Variants in SESN2 observed in about 807,000 individuals in gnomAD.
SESN2 encodes the protein sestrin 2, also known as sestrin-2.
In SESN2, 42 loss-of-function variants were observed where a neutral mutation model predicts 56.0. The observed-to-expected ratio is 0.75, with a 90% confidence interval of 0.59 to 0.97. The LOEUF (loss-of-function observed/expected upper bound fraction) is 0.97, where lower values mean the gene tolerates loss of function less well. Ranked by LOEUF, SESN2 falls within the 50% of genes least tolerant of loss-of-function variation. SESN2 has a pLI of 0.00. For missense variants in SESN2, 507 were observed against 649.4 expected (o/e 0.78, Z 2.38); for synonymous variants, 264 against 267.1 (o/e 0.99, Z 0.11).
chr1:28,260,170 C>T (rs1211911224), intron 1 of SESN2, among the ~76,000 whole-genome samples: 2 of 150,588 alleles, frequency 1.3e-5, no homozygotes, highest in African/African-American at 4.9e-5. Context: ...CTCCCTCTCC[C>T]CCTCTCCCTC....
At chr1:28,270,125 G>A (rs978195710) in intron 2 of SESN2, among the ~76,000 whole-genome samples, 1 of 152,212 alleles carries the variant, frequency 6.6e-6, no homozygotes, top group East Asian at 1.9e-4. Flanking sequence ...GCCGAGGCGG[G>A]CGGATCACGA....
rs184595688 is a variant in SESN2 at position 28,280,453 on chromosome 1, G to A, written c.1357-263G>A. Among the ~76,000 whole-genome samples the A allele has an allele frequency of 4.3e-4, 65 of 152,268 alleles. No individual in the cohort carries two copies. The East Asian group carries it at 0.012, about 27-fold the overall frequency. ...GAACTCCTGACCTCCTGATCCACTC[G>A]CCTTGGCCTCCCAAAGTGTTGGGAT... On this transcript the variant is annotated intron_variant, in intron 9 of 9. Transcript: ENST00000253063.
At chr1:28,270,640 T>C (rs1647736745) in intron 2 of SESN2, among the ~76,000 whole-genome samples, 1 of 152,042 alleles carries the variant, frequency 6.6e-6, no homozygotes, top group Non-Finnish European at 1.5e-5. Context: ...GGCACGATCT[T>C]GGCTCACCGC....
At chr1:28,274,644 C>G (rs527595479) in intron 7 of SESN2, among the ~76,000 whole-genome samples, 181 bp from the exon 8 acceptor site, 2 of 152,288 alleles carry the variant, frequency 1.3e-5, no homozygotes, top group Non-Finnish European at 2.9e-5. Flanking sequence ...GGTTGCTGAT[C>G]ATAAGGAGAA....
intron 1 of SESN2, among the ~76,000 whole-genome samples, chr1:28,262,329 C>T (rs1347589927): frequency 1.3e-5 from 2 of 152,104 alleles, no homozygotes; most frequent in African/African-American, 2.4e-5. Flanking sequence ...CACTCTAGTA[C>T]TGGTAGTATT....
In SESN2 at chr1:28,269,258, GA is replaced by G; in HGVS notation, c.156+12del. On this transcript the variant is annotated intron_variant, in intron 2 of 9. Coordinates refer to ENST00000253063, the MANE Select transcript of SESN2 (RefSeq NM_031459.5). ...CATCCCCGTGGAGGAGGTAAGCTTG[GA>G]AGGGGTTAGGGATCTTTGGTCCCTG... 1 of 1,606,934 alleles carries G rather than the reference GA, an allele frequency of 6.2e-7. No individual in the cohort carries two copies. Among genetic ancestry groups the G allele is most frequent in the Non-Finnish European group, 8.5e-7 (1 of 1,175,000 alleles).
At chr1:28,267,641 C>G (rs749320207) in intron 1 of SESN2, among the ~76,000 whole-genome samples, 1 of 152,170 alleles carries the variant, frequency 6.6e-6, no homozygotes, top group African/African-American at 2.4e-5. Context: ...TGAGAGCCAC[C>G]TCCACTCTCA....
In SESN2 at chr1:28,268,995, G is replaced by A. The variant is rs149567964; in HGVS notation, c.91-188G>A. On this transcript the variant is annotated intron_variant, in intron 1 of 9. Coordinates refer to ENST00000253063, the MANE Select transcript of SESN2 (RefSeq NM_031459.5). ...TCCTGAAGAACTCAGCCTGGAGTGA[G>A]CCCTCTTTCTTGATTACCCTTCCAA... Among the ~76,000 whole-genome samples the A allele has an allele frequency of 4.7e-3, 711 of 152,346 alleles. 8 individuals carry two copies. The highest frequency in any genetic ancestry group is 0.015 in the African/African-American group (613 of 41,582).
Position 28,272,467 on chromosome 1 carries a change from G to T in SESN2, c.537+1G>T. On this transcript the variant is annotated splice_donor_variant, in intron 4 of 9. Transcript: ENST00000253063. LOFTEE classifies it high-confidence loss of function. ...GCTCATCACCAAGGAACACATCCAG[G>T]TGCAGGGGGCAGAGAGGCGGGTGTC... is the stretch of plus-strand genomic sequence containing the variant. The T allele has an allele frequency of 6.2e-7, 1 of 1,612,704 alleles. No homozygotes were observed. The highest frequency in any genetic ancestry group is 8.5e-7 in the Non-Finnish European group (1 of 1,179,566).
chr1:28,271,947 C>T, intron 3 of SESN2, 76 bp downstream of exon 3: 1 of 1,360,546 alleles, frequency 7.3e-7, no homozygotes, highest in Non-Finnish European at 1.0e-6. Flanking sequence ...TTTCTGGGAG[C>T]TTTGTGAGCT....
intron 1 of SESN2, among the ~76,000 whole-genome samples, chr1:28,267,333 GT>G (rs1647593109): frequency 6.6e-6 from 1 of 152,164 alleles, no homozygotes; most frequent in Non-Finnish European, 1.5e-5. Flanking sequence ...TTACCTACCA[GT>G]TTAGTAGGTA....
intron 5 of SESN2, 48 bp downstream of exon 5, chr1:28,272,841 T>C (rs776872261): frequency 1.2e-4 from 127 of 1,090,248 alleles, no homozygotes; most frequent in Non-Finnish European, 1.5e-4. Flanking sequence ...GGGCATGACC[T>C]CTGGTCCTTA....
chr1:28,260,751 A>G (rs893127397), intron 1 of SESN2, among the ~76,000 whole-genome samples: 3 of 142,240 alleles, frequency 2.1e-5, no homozygotes, highest in Admixed American at 1.5e-4. Context: ...GGGGCTTTGC[A>G]GGGAGACCGG....
At chr1:28,266,556 CTTTTTTTTTTTTT>C (rs71586835) in intron 1 of SESN2, among the ~76,000 whole-genome samples, 7 of 117,000 alleles carry the variant, frequency 6.0e-5, no homozygotes, top group Non-Finnish European at 1.2e-4. Context: ...AGAGCCCCAT[CTTTTTTTTTTTTT>C]TTTTTTTTGA....
chr1:28,267,033 TG>T (rs978615093), intron 1 of SESN2, among the ~76,000 whole-genome samples: 3 of 152,208 alleles, frequency 2.0e-5, no homozygotes, highest in Non-Finnish European at 2.9e-5. Flanking sequence ...GGGCCGTCTC[TG>T]CCTCCCCCAG....
intron 1 of SESN2, among the ~76,000 whole-genome samples, chr1:28,265,280 G>A (rs553931694): frequency 4.6e-5 from 7 of 152,292 alleles, no homozygotes; most frequent in Admixed American, 1.3e-4. Context: ...TGTCAGGATC[G>A]GGGAAGCATT....
chr1:28,273,297 T>TGGA, intron 5 of SESN2, 61 bp from the exon 6 acceptor site: 1 of 1,471,382 alleles, frequency 6.8e-7, no homozygotes, highest in Non-Finnish European at 9.1e-7. Flanking sequence ...GAAGGATGAG[T>TGGA]GGAGCTTCCC....
chr1:28,273,378 C>T lies in SESN2; in HGVS notation c.771C>T (p.Asp257=), dbSNP rs960381759. 24 of 1,602,944 alleles carry T rather than the reference C, an allele frequency of 1.5e-5. No homozygotes were observed. Among genetic ancestry groups the T allele is most frequent in the Non-Finnish European group, 1.9e-5 (22 of 1,174,904 alleles). Residue 257 remains aspartate (D), a synonymous_variant, in exon 6 of 10, where the codon GAC becomes GAT. Coordinates refer to ENST00000253063, the MANE Select transcript of SESN2 (RefSeq NM_031459.5). ...TGCAGGGCTTTGAGTCTGCCCGCGA[C>T]GTGGAGGCGCTGATGGAGCGCATGC... ...NNSGGFESAR[D]VEALMERMQQ... is the part of the protein sequence containing the mutation.
rs146835095 is a variant in SESN2, at chr1:28,265,971, A to G, written c.91-3212A>G. ...CATACAGTTACTGTTTATTTCACTC[A>G]CTTTATAGAATCTGTGCTTTGAAAT... is the stretch of plus-strand genomic sequence containing the variant. On this transcript the variant is annotated intron_variant, in intron 1 of 9. Coordinates refer to ENST00000253063, the MANE Select transcript of SESN2 (RefSeq NM_031459.5). 1.6e-3 allele frequency among the ~76,000 whole-genome samples: 245 copies of G among 152,186 alleles called. 1 individual carries two copies. The highest frequency in any genetic ancestry group is 5.3e-3 in the African/African-American group (222 of 41,514).
Sources: allele counts gnomAD v4.1 joint callset (sites outside exome capture counted in the v4.1 genomes callset), GRCh38; gene constraint gnomAD v4.1.1; transcripts MANE v1.5; gene names NCBI Gene and HGNC (gene_info 2026-07-23, HGNC 2026-07-21).